Variants in TANGO6 observed in about 807,000 individuals in gnomAD.
The protein encoded by TANGO6 is transport and Golgi organization protein 6 homolog.
In TANGO6, 90 loss-of-function variants were observed where a neutral mutation model predicts 114.2. That is an observed-to-expected ratio of 0.79 (90% confidence interval 0.66 to 0.94). TANGO6 has a LOEUF of 0.94. Ranked by LOEUF, TANGO6 falls within the 40% of genes least tolerant of loss-of-function variation. TANGO6 has a pLI of 0.00. For synonymous variants in TANGO6, 477 were observed against 509.8 expected (o/e 0.94, Z 0.87); for missense variants, 1,274 against 1,315.3 (o/e 0.97, Z 0.49).
intron 16 of TANGO6, chr16:69,026,830 C>T (rs1195452873): frequency 2.6e-5 from 4 of 152,428 alleles, no homozygotes; most frequent in African/African-American, 9.7e-5. Flanking sequence ...AGGATCAAAT[C>T]TGAAGAATGA....
chr16:68,961,553 GTGTT>G (rs1963591050), intron 14 of TANGO6, among the ~76,000 whole-genome samples: 1 of 152,158 alleles, frequency 6.6e-6, no homozygotes, highest in Non-Finnish European at 1.5e-5. Context: ...CTTTGCTGTT[GTGTT>G]TGTATTTATT....
intron 4 of TANGO6, among the ~76,000 whole-genome samples, chr16:68,874,443 C>T (rs1962325508): frequency 6.6e-6 from 1 of 152,136 alleles, no homozygotes; most frequent in South Asian, 2.1e-4. Context: ...ATATTTTGTC[C>T]AATTTTATAA....
intron 15 of TANGO6, among the ~76,000 whole-genome samples, chr16:69,001,023 C>T (rs1314070052): frequency 6.6e-6 from 1 of 152,006 alleles, no homozygotes; most frequent in Non-Finnish European, 1.5e-5. Context: ...ATTCTTACAC[C>T]CTCTAAATTA....
At chr16:68,960,297 C>CTTTT (rs201075757) in intron 14 of TANGO6, among the ~76,000 whole-genome samples, 4 of 134,762 alleles carry the variant, frequency 3.0e-5, no homozygotes, top group East Asian at 2.1e-4. Context: ...ATTAGGGCAG[C>CTTTT]TTTTTTTTTT....
intron 14 of TANGO6, among the ~76,000 whole-genome samples, chr16:68,949,104 T>G (rs1963444972): frequency 6.6e-6 from 1 of 152,170 alleles, no homozygotes; most frequent in Non-Finnish European, 1.5e-5. Flanking sequence ...GAGAAACGCT[T>G]GAACCTGGGA....
rs188028395 is a variant in TANGO6, at chr16:69,077,098, G to C, written c.3109-6387G>C. 2.1e-4 allele frequency among the ~76,000 whole-genome samples: 32 copies of C among 151,982 alleles called. No individual in the cohort carries two copies. In the South Asian group the frequency reaches 6.7e-3, roughly 32 times the overall value. On this transcript the variant is annotated intron_variant, in intron 17 of 17. Coordinates refer to ENST00000261778, the MANE Select transcript of TANGO6 (RefSeq NM_024562.2). ...ACTCTGTCTCCCAGGATAGAGTGCAGTGGCACGATCACAGTTCACTGCAGT... is the reference window on the plus strand; with the variant it reads ...ACTCTGTCTCCCAGGATAGAGTGCACTGGCACGATCACAGTTCACTGCAGT...
intron 3 of TANGO6, among the ~76,000 whole-genome samples, chr16:68,865,649 G>A (rs1203996421): frequency 6.6e-6 from 1 of 152,028 alleles, no homozygotes; most frequent in Non-Finnish European, 1.5e-5. Flanking sequence ...AAATCCGGCC[G>A]GGCGCGGTGG....
chr16:68,940,714 G>A (rs1262372713), intron 14 of TANGO6, among the ~76,000 whole-genome samples: 1 of 152,102 alleles, frequency 6.6e-6, no homozygotes, highest in Non-Finnish European at 1.5e-5. Context: ...TTTTATGAAA[G>A]AAACTTGGAT....
chr16:68,898,947 TTA>T (rs1962745939), intron 7 of TANGO6, among the ~76,000 whole-genome samples: 1 of 13,748 alleles, frequency 7.3e-5, no homozygotes, highest in African/African-American at 3.8e-3. Flanking sequence ...ATTATCTGCC[TTA>T]TTATTATTAT....
At chr16:68,906,974 T>C (rs1262469929) in intron 9 of TANGO6, among the ~76,000 whole-genome samples, 1 of 151,980 alleles carries the variant, frequency 6.6e-6, no homozygotes, top group Non-Finnish European at 1.5e-5. Context: ...TTGTATTTTT[T>C]AGTAGAGACG....
At chr16:69,070,058 A>G (rs1371731391) in intron 17 of TANGO6, among the ~76,000 whole-genome samples, 1 of 151,002 alleles carries the variant, frequency 6.6e-6, no homozygotes. Context: ...AAAAAAAAAA[A>G]AAAAAAGCTA....
intron 1 of TANGO6, among the ~76,000 whole-genome samples, chr16:68,858,467 A>G (rs1427294118): frequency 6.6e-6 from 1 of 152,178 alleles, no homozygotes; most frequent in African/African-American, 2.4e-5. Context: ...TTTTCAAGGA[A>G]TATTTTCATT....
intron 10 of TANGO6, 139 bp from the exon 11 acceptor site, chr16:68,909,072 G>T: frequency 3.0e-6 from 2 of 676,378 alleles, no homozygotes; most frequent in Admixed American, 4.3e-5. Context: ...TCCAAGTTTT[G>T]GCTATTATAA....
Position 69,022,905 on chromosome 16 carries a change from AG to A in TANGO6, c.2923del (p.Ala975ProfsTer25). ...RGVRDPDGAH[R>X]ASSLANLGEL... ...AGTGAGAGATCCTGATGGTGCTCAC[AG>A]GGCCAGCAGCTTGGCCAACCTTGGG... On this transcript the variant is annotated frameshift_variant, in exon 16 of 18. Transcript: ENST00000261778. LOFTEE classifies it high-confidence loss of function. The A allele has an allele frequency of 6.2e-7, 1 of 1,600,522 alleles. No homozygotes were observed.
chr16:69,074,148 C>A (rs1196948417), intron 17 of TANGO6, among the ~76,000 whole-genome samples: 1 of 152,064 alleles, frequency 6.6e-6, no homozygotes, highest in Non-Finnish European at 1.5e-5. Context: ...GGGCTAGGAG[C>A]ATTGAGGGTT....
intron 15 of TANGO6, among the ~76,000 whole-genome samples, chr16:68,985,919 C>A (rs1244235851): frequency 1.3e-5 from 2 of 152,038 alleles, no homozygotes; most frequent in Non-Finnish European, 2.9e-5. Context: ...AAATGTTTAA[C>A]CCTGACCAGC....
chr16:69,011,816 T>G (rs949166144), intron 15 of TANGO6, among the ~76,000 whole-genome samples: 1 of 152,200 alleles, frequency 6.6e-6, no homozygotes, highest in African/African-American at 2.4e-5. Flanking sequence ...TGGGATCTGA[T>G]ATGCATAAAT....
intron 15 of TANGO6, among the ~76,000 whole-genome samples, chr16:69,012,581 A>AAAAAAAAAAAG (rs1964153597): frequency 2.7e-5 from 3 of 111,994 alleles, no homozygotes; most frequent in African/African-American, 1.1e-4. Context: ...AAAAAAAAGG[A>AAAAAAAAAAAG]AAAAAAAAAA....
In TANGO6 at chr16:69,004,832, C is replaced by T. The variant is rs78993879; in HGVS notation, c.2843-17996C>T. Among the ~76,000 whole-genome samples the T allele has an allele frequency of 9.5e-3, 1,444 of 152,252 alleles. 21 individuals carry two copies. The highest frequency in any genetic ancestry group is 0.033 in the African/African-American group (1,358 of 41,538). ...AACTTTTTCTATCTGTCTTTCTATCCGGTTGTCTCCCACTGCAAATTCTCA... is the reference window on the plus strand; with the variant it reads ...AACTTTTTCTATCTGTCTTTCTATCTGGTTGTCTCCCACTGCAAATTCTCA... On this transcript the variant is annotated intron_variant, in intron 15 of 17. Transcript: ENST00000261778.
Sources: allele counts gnomAD v4.1 joint callset (sites outside exome capture counted in the v4.1 genomes callset), GRCh38; gene constraint gnomAD v4.1.1; transcripts MANE v1.5; gene names NCBI Gene and HGNC (gene_info 2026-07-23, HGNC 2026-07-21).